The following DGCR6 variants were observed in gnomAD, a reference collection of about 807,000 sequenced individuals.
DGCR6 encodes protein DGCR6.
At position 18,911,900 on chromosome 22, in the gene DGCR6, CAG is replaced by C. The variant is rs200501734; in HGVS notation, c.*216_*217del. 1.7e-3 allele frequency: 31 copies of C among 17,750 alleles called. 3 individuals are homozygous for C. In the East Asian group the frequency reaches 0.018, roughly 11 times the overall value. The allele number at this position is 17,750 out of a possible 1,614,324, so 1.1% of individuals were successfully genotyped here. A position where few individuals can be genotyped will look rare whatever the true frequency, so the allele number is the denominator to read the frequency against. ...TGCTGCTGTCTGCTTCAGGGCCAGGCAGAGAGTGAGGCTGGGGGTTCTCACAC... is the reference window on the plus strand; with the variant it reads ...TGCTGCTGTCTGCTTCAGGGCCAGGCAGAGTGAGGCTGGGGGTTCTCACAC... On this transcript the variant is annotated 3_prime_UTR_variant, in exon 5 of 5. Transcript: ENST00000331444.
intron 2 of DGCR6, chr22:18,908,672 A>T (rs2081896901): frequency 3.0e-6 from 1 of 328,708 alleles, no homozygotes; most frequent in Non-Finnish European, 7.1e-6. Flanking sequence ...TTCTGTGAGC[A>T]CTTTCTTGCT....
At position 18,908,753 on chromosome 22, in the gene DGCR6, T is replaced by C. The variant is rs578059435; in HGVS notation, c.272-1419T>C. ...CGTGTCTCAGTCCTGGAATCGGCCA[T>C]TTTTCCACAGAGTTGTAGTTCTTTC... is the stretch of plus-strand genomic sequence containing the variant. On this transcript the variant is annotated intron_variant, in intron 2 of 4. Coordinates refer to ENST00000331444, the MANE Select transcript of DGCR6 (RefSeq NM_005675.6). 6.9e-6 allele frequency: 2 copies of C among 291,430 alleles called. 1 individual carries two copies. The highest frequency in any genetic ancestry group is 6.9e-5 in the Admixed American group (2 of 28,888). The allele number at this position is 291,430 out of a possible 1,614,324, so 18.1% of individuals were successfully genotyped here. A position where few individuals can be genotyped will look rare whatever the true frequency, so the allele number is the denominator to read the frequency against.
intron 2 of DGCR6, chr22:18,908,568 C>G (rs16983275): frequency 0.012 from 2,535 of 210,610 alleles, 571 homozygotes; most frequent in African/African-American, 0.086. Flanking sequence ...GTTTACTAAT[C>G]CCAAGTGCAT....
chr22:18,909,835 A>G lies in DGCR6; in HGVS notation c.272-337A>G, dbSNP rs1229388177. 6 of 100,504 alleles carry G rather than the reference A, an allele frequency of 6.0e-5. 2 individuals carry two copies. In the East Asian group the frequency reaches 8.9e-4, roughly 15 times the overall value. The allele number at this position is 100,504 out of a possible 1,614,324, so 6.2% of individuals were successfully genotyped here. A position where few individuals can be genotyped will look rare whatever the true frequency, so the allele number is the denominator to read the frequency against. ...CTGAGGTGGTCTCCAACACTTGAGTAGATGTCCTATGGCCTGTGGCCACGG... is the reference window on the plus strand; with the variant it reads ...CTGAGGTGGTCTCCAACACTTGAGTGGATGTCCTATGGCCTGTGGCCACGG... On this transcript the variant is annotated intron_variant, in intron 2 of 4. Transcript: ENST00000331444.
At chr22:18,908,642 C>A (rs2081896647) in intron 2 of DGCR6, 1 of 326,134 alleles carries the variant, frequency 3.1e-6, no homozygotes, top group African/African-American at 2.8e-5. Flanking sequence ...CTCCAGGCAC[C>A]TTTAGATGCC....
intron 2 of DGCR6, among the ~76,000 whole-genome samples, chr22:18,909,128 G>A (rs1324577133): frequency 1.2e-5 from 1 of 86,392 alleles, no homozygotes; most frequent in Non-Finnish European, 2.9e-5. Flanking sequence ...TCTTGAGGGG[G>A]GCTTTTGGTA....
rs549783026 is a variant in DGCR6, at chr22:18,908,654, C to T, written c.272-1518C>T. 3.3e-4 allele frequency: 108 copies of T among 328,068 alleles called. 15 individuals are homozygous for T. In the East Asian group the frequency reaches 7.2e-3, roughly 22 times the overall value. 20.3% of individuals were successfully genotyped at this position (328,068 alleles called of 1,614,324 possible). On this transcript the variant is annotated intron_variant, in intron 2 of 4. Coordinates refer to ENST00000331444, the MANE Select transcript of DGCR6 (RefSeq NM_005675.6). Reference sequence around the variant, plus strand: ...GCGCTCCAGGCACCTTTAGATGCCGCCCCATCATTCTGTGAGCACTTTCTT... The same window carrying T: ...GCGCTCCAGGCACCTTTAGATGCCGTCCCATCATTCTGTGAGCACTTTCTT...
intron 2 of DGCR6, chr22:18,908,561 T>C (rs188813196): frequency 5.0e-6 from 1 of 200,264 alleles, no homozygotes; most frequent in East Asian, 8.6e-5. Flanking sequence ...GCATGCAGTT[T>C]ACTAATCCCA....
rs2146202873 is a variant in DGCR6, at chr22:18,910,186, CTG to C, written c.287_288del (p.Leu96ProfsTer15). ...ATCCCTCCCAGTGCTCAGGCAGGCG[CTG>C]CGGCAGAAGCACCAGGAAGCCCAGC... ...QNEHRVLRQA[L>X]RQKHQEAQQA... On this transcript the variant is annotated frameshift_variant, in exon 3 of 5. Coordinates refer to ENST00000331444, the MANE Select transcript of DGCR6 (RefSeq NM_005675.6). LOFTEE classifies it high-confidence loss of function. 1.9e-5 allele frequency: 1 copy of C among 52,184 alleles called. No homozygotes were observed. Among genetic ancestry groups the C allele is most frequent in the Non-Finnish European group, 4.3e-5 (1 of 23,238 alleles). The allele number at this position is 52,184 out of a possible 1,614,324, so 3.2% of individuals were successfully genotyped here.
chr22:18,909,739 A>C (rs1335283852), intron 2 of DGCR6, among the ~76,000 whole-genome samples: 1 of 87,456 alleles, frequency 1.1e-5, no homozygotes, highest in East Asian at 2.1e-4. Context: ...CCAACCACAC[A>C]CCTGGTAGGC....
chr22:18,908,192 C>CT (rs2081895242), intron 2 of DGCR6: 1 of 63,478 alleles, frequency 1.6e-5, no homozygotes, highest in African/African-American at 5.7e-5. Context: ...TGGCAGTTTC[C>CT]TTTTTGGCAG....
At position 18,908,615 on chromosome 22, in the gene DGCR6, G is replaced by C. The variant is rs1236915470; in HGVS notation, c.272-1557G>C. 11 of 306,312 alleles carry C rather than the reference G, an allele frequency of 3.6e-5. 3 individuals carry two copies. The Admixed American group carries it at 3.7e-4, about 10-fold the overall frequency. The allele number at this position is 306,312 out of a possible 1,614,324, so 19.0% of individuals were successfully genotyped here. A position where few individuals can be genotyped will look rare whatever the true frequency, so the allele number is the denominator to read the frequency against. On this transcript the variant is annotated intron_variant, in intron 2 of 4. Transcript: ENST00000331444. ...CCTTAATGCTCAGACTGTGCCATGT[G>C]TGGCCAGTTGGGGGCGCTCCAGGCA...
chr22:18,909,824 A>G lies in DGCR6; in HGVS notation c.272-348A>G, dbSNP rs528346025. Among the ~76,000 whole-genome samples the G allele has an allele frequency of 2.3e-4, 16 of 70,816 alleles. 2 individuals carry two copies. In the East Asian group the frequency reaches 3.1e-3, roughly 14 times the overall value. 46.5% of individuals were successfully genotyped at this position (70,816 alleles called of 152,430 possible). A position where few individuals can be genotyped will look rare whatever the true frequency, so the allele number is the denominator to read the frequency against. Reference sequence around the variant, plus strand: ...CATGCCTTTGCCTGAGGTGGTCTCCAACACTTGAGTAGATGTCCTATGGCC... The same window carrying G: ...CATGCCTTTGCCTGAGGTGGTCTCCGACACTTGAGTAGATGTCCTATGGCC... On this transcript the variant is annotated intron_variant, in intron 2 of 4. Transcript: ENST00000331444.
intron 2 of DGCR6, among the ~76,000 whole-genome samples, chr22:18,909,774 G>A (rs1330873134): frequency 1.1e-5 from 1 of 87,498 alleles, no homozygotes; most frequent in Non-Finnish European, 3.0e-5. Flanking sequence ...CAGGGTCAGC[G>A]ACCCGGCTCC....
intron 2 of DGCR6, among the ~76,000 whole-genome samples, chr22:18,908,963 C>T (rs1568988155): frequency 9.8e-6 from 1 of 101,942 alleles, no homozygotes; most frequent in Non-Finnish European, 2.5e-5. Flanking sequence ...TGTCTAAGGC[C>T]AGGCCCCTTC....
rs1480150078 is a variant in DGCR6, at chr22:18,909,649, C to T, written c.272-523C>T. Among the ~76,000 whole-genome samples the T allele has an allele frequency of 2.0e-4, 14 of 68,862 alleles. 2 individuals are homozygous for T. The South Asian group carries it at 4.2e-3, about 21-fold the overall frequency. 45.2% of individuals were successfully genotyped at this position (68,862 alleles called of 152,430 possible). ...CCCAGGTCAGCTCACCCTTCTCCCTCTGGTGCTGTGTAGGGGCTGGGAGCT... is the reference window on the plus strand; with the variant it reads ...CCCAGGTCAGCTCACCCTTCTCCCTTTGGTGCTGTGTAGGGGCTGGGAGCT... On this transcript the variant is annotated intron_variant, in intron 2 of 4. Transcript: ENST00000331444.
chr22:18,907,584 T>A lies in DGCR6; in HGVS notation c.271+859T>A, dbSNP rs1161481676. ...GGCTGGGTAAGTCTTTATGGTGAGA[T>A]GCTGTCTTGCGCATTGCAGGATGGC... On this transcript the variant is annotated intron_variant, in intron 2 of 4. Coordinates refer to ENST00000331444, the MANE Select transcript of DGCR6 (RefSeq NM_005675.6). 1.1e-4 allele frequency: 4 copies of A among 35,028 alleles called. 2 individuals carry two copies. Among genetic ancestry groups the A allele is most frequent in the African/African-American group, 4.0e-4 (4 of 10,070 alleles). 2.2% of individuals were successfully genotyped at this position (35,028 alleles called of 1,614,324 possible).
rs1364819440 is a variant in DGCR6, at chr22:18,907,586, C to A, written c.271+861C>A. ...CTGGGTAAGTCTTTATGGTGAGATGCTGTCTTGCGCATTGCAGGATGGCAG... is the reference window on the plus strand; with the variant it reads ...CTGGGTAAGTCTTTATGGTGAGATGATGTCTTGCGCATTGCAGGATGGCAG... On this transcript the variant is annotated intron_variant, in intron 2 of 4. Transcript: ENST00000331444. The A allele has an allele frequency of 1.2e-4, 4 of 33,970 alleles. 2 individuals carry two copies. The highest frequency in any genetic ancestry group is 4.1e-4 in the African/African-American group (4 of 9,786). 2.1% of individuals were successfully genotyped at this position (33,970 alleles called of 1,614,324 possible). A position where few individuals can be genotyped will look rare whatever the true frequency, so the allele number is the denominator to read the frequency against.
At chr22:18,909,761 G>A (rs563273991) in intron 2 of DGCR6, among the ~76,000 whole-genome samples, 2 of 88,490 alleles carry the variant, frequency 2.3e-5, no homozygotes, top group South Asian at 2.6e-4. Flanking sequence ...GAGGCCCCAC[G>A]CTCAGGGTCA....
Sources: allele counts gnomAD v4.1 joint callset (sites outside exome capture counted in the v4.1 genomes callset), GRCh38; gene constraint gnomAD v4.1.1; transcripts MANE v1.5; gene names NCBI Gene and HGNC (gene_info 2026-07-23, HGNC 2026-07-21).